Variants in DAB1 observed in about 807,000 individuals in gnomAD.
DAB1 encodes the protein DAB adaptor protein 1, also known as disabled homolog 1.
Under a neutral mutation model 64.6 loss-of-function variants are expected in DAB1, and 15 were observed. That is an observed-to-expected ratio of 0.23 (90% CI 0.16 to 0.36). The LOEUF is 0.36. DAB1 is among the 10% of genes least tolerant of loss of function. The pLI is 1.00. For synonymous variants in DAB1, 235 were observed against 251.9 expected (o/e 0.93, Z 0.64); for missense variants, 596 against 706.7 (o/e 0.84, Z 1.78).
intron 6 of DAB1, among the ~76,000 whole-genome samples, chr1:57,796,469 G>A (rs1650871196): frequency 6.6e-6 from 1 of 151,974 alleles, no homozygotes; most frequent in Admixed American, 6.6e-5. Context: ...GGAGCTTCCA[G>A]CGAGCTGAGA....
intron 4 of DAB1, among the ~76,000 whole-genome samples, chr1:57,102,335 A>G (rs1180639090): frequency 6.6e-6 from 1 of 152,204 alleles, no homozygotes; most frequent in African/African-American, 2.4e-5. Flanking sequence ...ATGGCTTGAG[A>G]TAAGCTTAAA....
chr1:58,301,942 A>G (rs1270925778), intron 4 of DAB1, among the ~76,000 whole-genome samples: 1 of 152,128 alleles, frequency 6.6e-6, no homozygotes, highest in East Asian at 1.9e-4. Context: ...TCTTATTAGT[A>G]TTATTATTTT....
At chr1:57,438,423 C>T (rs1193452905) in intron 7 of DAB1, among the ~76,000 whole-genome samples, 1 of 152,014 alleles carries the variant, frequency 6.6e-6, no homozygotes, top group Non-Finnish European at 1.5e-5. Context: ...AATAACCATA[C>T]TGAGCCTCAG....
chr1:57,948,025 C>T (rs1362418300), intron 5 of DAB1, among the ~76,000 whole-genome samples: 1 of 152,134 alleles, frequency 6.6e-6, no homozygotes, highest in Non-Finnish European at 1.5e-5. Flanking sequence ...CATGCCTGTG[C>T]TTATGCTAGC....
In DAB1 at chr1:58,091,970, A is replaced by AAAC. The variant is rs1650691075; in HGVS notation, n.387+58540_387+58541insGTT. Among the ~76,000 whole-genome samples the AAAC allele has an allele frequency of 6.6e-5, 10 of 151,222 alleles. 1 individual carries two copies. The highest frequency in any genetic ancestry group is 2.4e-4 in the African/African-American group (10 of 41,094). On this transcript the variant is annotated intron_variant and non_coding_transcript_variant, in intron 5 of 20. Transcript: ENST00000485760. ...CACACACACACACACACACACACAA[A>AAAC]CTAACATAGCTTAAGTAGCTTTAAG...
chr1:58,373,122 A>G (rs900956318), intron 3 of DAB1, among the ~76,000 whole-genome samples: 1 of 151,840 alleles, frequency 6.6e-6, no homozygotes, highest in African/African-American at 2.4e-5. Flanking sequence ...AAAAATTAAT[A>G]AAGTTTACTA....
At chr1:58,395,072 G>A (rs1218246560) in intron 3 of DAB1, among the ~76,000 whole-genome samples, 4 of 152,092 alleles carry the variant, frequency 2.6e-5, no homozygotes, top group Non-Finnish European at 5.9e-5. Context: ...ACACAAGCCT[G>A]TCAAAAAGCA....
chr1:57,197,128 G>A (rs1468100807), intron 2 of DAB1, among the ~76,000 whole-genome samples: 1 of 152,122 alleles, frequency 6.6e-6, no homozygotes, highest in Non-Finnish European at 1.5e-5. Flanking sequence ...TTGAGGTCAG[G>A]AGTTCAAGAC....
At chr1:57,685,330 T>C (rs1255363576) in intron 6 of DAB1, among the ~76,000 whole-genome samples, 2 of 151,810 alleles carry the variant, frequency 1.3e-5, no homozygotes, top group African/African-American at 2.4e-5. Flanking sequence ...TATTACATAA[T>C]GATAAAGGGT....
intron 1 of DAB1, among the ~76,000 whole-genome samples, chr1:57,345,248 G>A (rs551219025): frequency 6.6e-6 from 1 of 152,310 alleles, no homozygotes; most frequent in Admixed American, 6.5e-5. Context: ...TACAGGCCAG[G>A]TGAGCCTGCG....
chr1:57,097,568 A>C lies in DAB1; in HGVS notation c.307-25154T>G, dbSNP rs942206537. Among the ~76,000 whole-genome samples, 10 of 152,292 alleles carry C rather than the reference A, an allele frequency of 6.6e-5. No homozygotes were observed. The South Asian group carries it at 8.3e-4, about 13-fold the overall frequency. On this transcript the variant is annotated intron_variant, in intron 4 of 14. Transcript: ENST00000371236. The stretch of plus-strand genomic sequence containing the variant: ...GGACTATGGTTATGACACAGGCAGC[A>C]AATGTCTCTTCCATACTTGGAGATC...
chr1:57,225,258 A>T (rs777182221), intron 2 of DAB1, among the ~76,000 whole-genome samples: 5 of 152,182 alleles, frequency 3.3e-5, no homozygotes, highest in Non-Finnish European at 5.9e-5. Flanking sequence ...TAGTTTTGTG[A>T]TACACAAGAC....
chr1:57,484,905 A>G (rs139147406), intron 7 of DAB1, among the ~76,000 whole-genome samples: 45 of 152,322 alleles, frequency 3.0e-4, no homozygotes, highest in African/African-American at 1.0e-3. Context: ...AAACGTTTTA[A>G]CATTTTCTGG....
intron 3 of DAB1, among the ~76,000 whole-genome samples, chr1:58,430,697 A>C (rs1049891544): frequency 1.3e-5 from 2 of 152,230 alleles, no homozygotes; most frequent in Non-Finnish European, 2.9e-5. Flanking sequence ...TTGTGACAAG[A>C]CAATGCAATA....
intron 5 of DAB1, among the ~76,000 whole-genome samples, chr1:58,129,099 G>T (rs1182894829): frequency 6.7e-6 from 1 of 148,338 alleles, no homozygotes; most frequent in African/African-American, 2.5e-5. Flanking sequence ...GACTCTTTTT[G>T]GTTGGTAAGC....
Position 57,621,483 on chromosome 1 carries a change from G to A in DAB1, n.625+28109C>T, listed in dbSNP as rs1482457073. ...TACTTCTGTACTTTTGAACAATGCTGGGGCTTACTCAGGATTTCCAGTTTC... is the reference window on the plus strand; with the variant it reads ...TACTTCTGTACTTTTGAACAATGCTAGGGCTTACTCAGGATTTCCAGTTTC... On this transcript the variant is annotated intron_variant and non_coding_transcript_variant, in intron 7 of 20. Coordinates refer to the DAB1 transcript ENST00000485760. Among the ~76,000 whole-genome samples the A allele has an allele frequency of 4.0e-5, 6 of 151,830 alleles. No individual in the cohort carries two copies. In the East Asian group the frequency reaches 1.2e-3, roughly 29 times the overall value.
chr1:58,059,919 C>T (rs557431903), intron 5 of DAB1, among the ~76,000 whole-genome samples: 11 of 152,294 alleles, frequency 7.2e-5, no homozygotes, highest in Admixed American at 2.6e-4. Context: ...TGCTAGGCAA[C>T]GATCACAGCA....
chr1:57,086,060 G>A lies in DAB1; in HGVS notation c.307-13646C>T, dbSNP rs1275707926. Among the ~76,000 whole-genome samples the A allele has an allele frequency of 2.6e-5, 4 of 152,180 alleles. No individual in the cohort carries two copies. In the East Asian group the frequency reaches 7.7e-4, roughly 29 times the overall value. On this transcript the variant is annotated intron_variant, in intron 4 of 14. Transcript: ENST00000371236. ...ATTAGGCAATAAAATGCTGGGCAGT[G>A]AGTGACAGTCTTTGAAGGTGACAAG...
chr1:58,035,832 C>A (rs1205449648), intron 5 of DAB1, among the ~76,000 whole-genome samples: 1 of 152,160 alleles, frequency 6.6e-6, no homozygotes, highest in Non-Finnish European at 1.5e-5. Flanking sequence ...CTCCAGGAGC[C>A]TAAGGAAAAC....
Sources: gnomAD v4.1 joint callset for allele counts (sites outside exome capture counted in the v4.1 genomes callset) on GRCh38, gnomAD v4.1.1 for gene constraint, MANE v1.5 for transcripts, NCBI Gene and HGNC (gene_info 2026-07-23, HGNC 2026-07-21) for gene names.